HCN1: variants seen among roughly 807,000 people sequenced by gnomAD.
HCN1 encodes potassium/sodium hyperpolarization-activated cyclic nucleotide-gated channel 1.
Under a neutral mutation model 78.9 loss-of-function variants are expected in HCN1, and 13 were observed. That is an observed-to-expected ratio of 0.16 (90% confidence interval 0.11 to 0.26). The LOEUF (loss-of-function observed/expected upper bound fraction) is 0.26, where lower values mean the gene tolerates loss of function less well. HCN1 is among the 10% of genes least tolerant of loss of function. HCN1 has a pLI of 1.00. For synonymous variants in HCN1, 552 were observed against 455.5 expected (o/e 1.21, Z -2.70); for missense variants, 810 against 1,154.3 (o/e 0.70, Z 4.32).
At chr5:45,468,880 T>C (rs915382621) in intron 2 of HCN1, among the ~76,000 whole-genome samples, 3 of 152,028 alleles carry the variant, frequency 2.0e-5, no homozygotes, top group Non-Finnish European at 4.4e-5. Context: ...TTTCCTCCTA[T>C]AGAAGTTATT....
intron 7 of HCN1, among the ~76,000 whole-genome samples, chr5:45,263,908 C>T (rs1204676003): frequency 6.6e-6 from 1 of 152,178 alleles, no homozygotes; most frequent in African/African-American, 2.4e-5. Flanking sequence ...ATTCTCCTGC[C>T]TTAGCCTCCT....
intron 1 of HCN1, among the ~76,000 whole-genome samples, chr5:45,654,090 G>A (rs1745725366): frequency 6.6e-6 from 1 of 151,828 alleles, no homozygotes; most frequent in South Asian, 2.1e-4. Context: ...TCTTTCAAGG[G>A]GACTTATATT....
At chr5:45,388,852 A>T (rs962038976) in intron 4 of HCN1, among the ~76,000 whole-genome samples, 1 of 152,142 alleles carries the variant, frequency 6.6e-6, no homozygotes, top group African/African-American at 2.4e-5. Context: ...TTCAATATAT[A>T]ATGGCTATTT....
rs568021225 is a variant in HCN1, at chr5:45,490,402, T to C, written c.850-28395A>G. ...ATTTATGGGTTTTGCTTTCTTTACA[T>C]AAATGTAATGGTATTATTTATTTTC... On this transcript the variant is annotated intron_variant, in intron 2 of 7. Transcript: ENST00000303230. Among the ~76,000 whole-genome samples the C allele has an allele frequency of 2.6e-5, 4 of 152,318 alleles. No individual in the cohort carries two copies. The South Asian group carries it at 8.3e-4, about 32-fold the overall frequency.
At chr5:45,439,503 G>A (rs907267330) in intron 3 of HCN1, among the ~76,000 whole-genome samples, 1 of 152,024 alleles carries the variant, frequency 6.6e-6, no homozygotes, top group African/African-American at 2.4e-5. Context: ...AATGAATGAT[G>A]GGTTAAAACG....
At chr5:45,492,017 G>A (rs564413869) in intron 2 of HCN1, among the ~76,000 whole-genome samples, 68 of 152,082 alleles carry the variant, frequency 4.5e-4, no homozygotes, top group African/African-American at 1.5e-3. Flanking sequence ...CACTTCATTT[G>A]TCCAACCTCA....
chr5:45,482,932 A>G (rs1741685396), intron 2 of HCN1, among the ~76,000 whole-genome samples: 1 of 152,334 alleles, frequency 6.6e-6, no homozygotes, highest in African/African-American at 2.4e-5. Context: ...TGCAAAACAT[A>G]TGATTTCATT....
Position 45,285,133 on chromosome 5 carries a change from C to T in HCN1, c.1619-17880G>A, listed in dbSNP as rs1259027316. ...AGAAGTAGCTCCATATAATTTTTTT[C>T]TTTAAAACAGGTCACATTTTCCTTC... On this transcript the variant is annotated intron_variant, in intron 6 of 7. Coordinates refer to ENST00000303230, the MANE Select transcript of HCN1 (RefSeq NM_021072.4). Among the ~76,000 whole-genome samples the T allele has an allele frequency of 3.3e-5, 5 of 151,868 alleles. 1 individual carries two copies. The highest frequency in any genetic ancestry group is 7.4e-5 in the Non-Finnish European group (5 of 67,880).
intron 2 of HCN1, among the ~76,000 whole-genome samples, chr5:45,535,159 G>T (rs1218816957): frequency 6.6e-6 from 1 of 152,106 alleles, no homozygotes; most frequent in Non-Finnish European, 1.5e-5. Context: ...ATAAATCAGT[G>T]CTATTTAGAC....
intron 5 of HCN1, among the ~76,000 whole-genome samples, chr5:45,317,446 A>G (rs1192417833): frequency 6.6e-6 from 1 of 152,252 alleles, no homozygotes; most frequent in African/African-American, 2.4e-5. Flanking sequence ...TGTTAGACCT[A>G]AAACCATAAA....
At chr5:45,347,485 G>C (rs958188642) in intron 5 of HCN1, among the ~76,000 whole-genome samples, 16 of 152,198 alleles carry the variant, frequency 1.1e-4, no homozygotes, top group African/African-American at 3.1e-4. Flanking sequence ...AACGCAGTTG[G>C]TCACCAGCAA....
chr5:45,452,861 T>TTA (rs1409862285), intron 3 of HCN1, among the ~76,000 whole-genome samples: 2 of 151,972 alleles, frequency 1.3e-5, no homozygotes, highest in Non-Finnish European at 2.9e-5. Flanking sequence ...AAATGATGGG[T>TTA]TATACAATGG....
At chr5:45,506,069 G>A (rs561612988) in intron 2 of HCN1, among the ~76,000 whole-genome samples, 3 of 152,058 alleles carry the variant, frequency 2.0e-5, no homozygotes, top group African/African-American at 4.8e-5. Context: ...AAATAAAATC[G>A]GCATTTCTTC....
chr5:45,535,651 T>A (rs1461843727), intron 2 of HCN1, among the ~76,000 whole-genome samples: 1 of 151,916 alleles, frequency 6.6e-6, no homozygotes, highest in Non-Finnish European at 1.5e-5. Context: ...ATAATAAATA[T>A]AATAGAGAAG....
chr5:45,469,288 T>C lies in HCN1; in HGVS notation c.850-7281A>G, dbSNP rs1050050168. Among the ~76,000 whole-genome samples, 3 of 151,954 alleles carry C rather than the reference T, an allele frequency of 2.0e-5. No individual in the cohort carries two copies. The East Asian group carries it at 5.8e-4, about 29-fold the overall frequency. The stretch of plus-strand genomic sequence containing the variant: ...AGCATAACCTCATATGCTTAATTTA[T>C]TTTAAAAAGCAGCTTAAGTGATGGG... On this transcript the variant is annotated intron_variant, in intron 2 of 7. Transcript: ENST00000303230.
intron 1 of HCN1, among the ~76,000 whole-genome samples, chr5:45,680,984 C>T (rs554749201): frequency 1.4e-4 from 21 of 152,132 alleles, no homozygotes; most frequent in African/African-American, 5.1e-4. Flanking sequence ...TCTTTGATAA[C>T]CTCCTTAATA....
chr5:45,688,048 T>C (rs1272493808), intron 1 of HCN1, among the ~76,000 whole-genome samples: 1 of 152,144 alleles, frequency 6.6e-6, no homozygotes, highest in Non-Finnish European at 1.5e-5. Flanking sequence ...TGGATTTCAA[T>C]GGGTGAAGGA....
intron 1 of HCN1, among the ~76,000 whole-genome samples, chr5:45,652,351 T>C (rs946725034): frequency 6.6e-6 from 1 of 151,972 alleles, no homozygotes; most frequent in African/African-American, 2.4e-5. Flanking sequence ...CTCTACATTA[T>C]AATAATTCCT....
At chr5:45,310,712 G>C (rs1240959757) in intron 5 of HCN1, among the ~76,000 whole-genome samples, 2 of 152,050 alleles carry the variant, frequency 1.3e-5, no homozygotes, top group African/African-American at 4.8e-5. Flanking sequence ...AGACATGCAT[G>C]CATATGTTCA....
Sources: allele counts gnomAD v4.1 joint callset (sites outside exome capture counted in the v4.1 genomes callset), GRCh38; gene constraint gnomAD v4.1.1; transcripts MANE v1.5; gene names NCBI Gene and HGNC (gene_info 2026-07-23, HGNC 2026-07-21).